ERG: variants seen among roughly 807,000 people sequenced by gnomAD.
ERG encodes the protein ETS transcription factor ERG.
In ERG, 9 loss-of-function variants were observed where a neutral mutation model predicts 55.3. That is an observed-to-expected ratio of 0.16 (90% CI 0.10 to 0.28). The LOEUF is 0.28. ERG is among the 10% of genes least tolerant of loss of function. ERG has a pLI of 1.00. For missense variants in ERG, 434 were observed against 631.6 expected (o/e 0.69, Z 3.35); for synonymous variants, 223 against 237.3 (o/e 0.94, Z 0.55).
Position 38,392,460 on chromosome 21 carries a change from A to G in ERG, c.746-16T>C, listed in dbSNP as rs932184453. On this transcript the variant is annotated splice_polypyrimidine_tract_variant and intron_variant, in intron 6 of 9. Transcript: ENST00000288319. ...TATGGTAAATCTGTAAAGACAAATAAATTGACTAAAAGATCAATCATGTAA... is the reference window on the plus strand; with the variant it reads ...TATGGTAAATCTGTAAAGACAAATAGATTGACTAAAAGATCAATCATGTAA... 6.9e-7 allele frequency: 1 copy of G among 1,457,644 alleles called. No homozygotes were observed. The highest frequency in any genetic ancestry group is 1.4e-5 in the African/African-American group (1 of 69,314). 90.3% of individuals were successfully genotyped at this position (1,457,644 alleles called of 1,614,324 possible).
chr21:38,373,240 A>G, the ERG span, among the ~76,000 whole-genome samples: 1 of 152,342 alleles, frequency 6.6e-6, no homozygotes, highest in East Asian at 1.9e-4. Context: ...ATAGACTCTA[A>G]TCTTTTCCCA....
intron 1 of ERG, among the ~76,000 whole-genome samples, chr21:38,599,167 T>TG (rs952100162): frequency 4.6e-5 from 7 of 151,772 alleles, no homozygotes; most frequent in African/African-American, 9.7e-5. Flanking sequence ...GGAGAGGCCA[T>TG]GGGGGGGCAC....
intron 2 of ERG, among the ~76,000 whole-genome samples, chr21:38,510,068 G>A (rs1020621313): frequency 3.3e-5 from 5 of 152,316 alleles, no homozygotes; most frequent in East Asian, 1.9e-4. Flanking sequence ...GTGTGTCTCC[G>A]TTTCTGGGAA....
chr21:38,600,167 C>A (rs1431642694), intron 1 of ERG, among the ~76,000 whole-genome samples: 1 of 152,188 alleles, frequency 6.6e-6, no homozygotes, highest in Non-Finnish European at 1.5e-5. Context: ...TCCAAACCTA[C>A]CCGCAATCCC....
intron 3 of ERG, among the ~76,000 whole-genome samples, chr21:38,414,376 T>G (rs990903026): frequency 6.6e-6 from 1 of 152,186 alleles, no homozygotes; most frequent in Non-Finnish European, 1.5e-5. Flanking sequence ...TCTAAGGAAC[T>G]GGGGGTTAGG....
rs56195027 is a variant in ERG at position 38,592,571 on chromosome 21, C to CTGTGTGTGTG, written c.-149-7636_-149-7627dup. ...GGCTGCTTATTGTCATCTCCCTTCA[C>CTGTGTGTGTG]TGTGTGTGTGTGTGTGTGTGTGTGT... On this transcript the variant is annotated intron_variant, in intron 1 of 10. Transcript: ENST00000398910. Among the ~76,000 whole-genome samples, 333 of 148,100 alleles carry CTGTGTGTGTG rather than the reference C, an allele frequency of 2.2e-3. 2 individuals are homozygous for CTGTGTGTGTG. The highest frequency in any genetic ancestry group is 6.3e-3 in the African/African-American group (255 of 40,162).
intron 1 of ERG, among the ~76,000 whole-genome samples, chr21:38,635,177 T>C (rs1180082523): frequency 6.6e-6 from 1 of 152,224 alleles, no homozygotes; most frequent in Non-Finnish European, 1.5e-5. Context: ...GGGGCATTTT[T>C]AGGGCAGTGA....
intron 2 of ERG, among the ~76,000 whole-genome samples, chr21:38,515,103 T>C (rs73906315): frequency 0.01 from 1,533 of 152,034 alleles, 22 homozygotes; most frequent in African/African-American, 0.035. Flanking sequence ...TGGATAGATA[T>C]ATTCATGGAT....
In ERG at chr21:38,380,554, G is replaced by A; in HGVS notation, c.*2849C>T. 9.4e-7 allele frequency: 1 copy of A among 1,065,924 alleles called. No individual in the cohort carries two copies. The allele number at this position is 1,065,924 out of a possible 1,614,324, so 66.0% of individuals were successfully genotyped here. A position where few individuals can be genotyped will look rare whatever the true frequency, so the allele number is the denominator to read the frequency against. ...GAGTATACATCAGGGCAAGCCAAGA[G>A]ACAGGGACAAACAGAGAGAAAAGGT... is the stretch of plus-strand genomic sequence containing the variant. On this transcript the variant is annotated 3_prime_UTR_variant, in exon 10 of 10. Transcript: ENST00000288319.
chr21:38,383,250 A>C lies in ERG; in HGVS notation c.*153T>G. ...AGTAAGACTTCAGTAACTCCCTCCCAAGAGTCTTTGGATCTCTTCCCCGGC... is the reference window on the plus strand; with the variant it reads ...AGTAAGACTTCAGTAACTCCCTCCCCAGAGTCTTTGGATCTCTTCCCCGGC... On this transcript the variant is annotated 3_prime_UTR_variant, in exon 10 of 10. Coordinates refer to ENST00000288319, the MANE Select transcript of ERG (RefSeq NM_182918.4). This position sits in a 1 kb window ranked among gnomAD's most constrained non-coding sequence, Gnocchi z 5.7. The C allele has an allele frequency of 7.6e-7, 1 of 1,324,194 alleles. No individual in the cohort carries two copies. The highest frequency in any genetic ancestry group is 9.6e-7 in the Non-Finnish European group (1 of 1,037,440). 82.0% of individuals were successfully genotyped at this position (1,324,194 alleles called of 1,614,324 possible).
chr21:38,428,218 T>C (rs556608547), intron 2 of ERG, among the ~76,000 whole-genome samples: 2 of 151,306 alleles, frequency 1.3e-5, no homozygotes, highest in African/African-American at 2.4e-5. Context: ...GAAAAGGAAA[T>C]TTTATCACAA....
intron 2 of ERG, among the ~76,000 whole-genome samples, chr21:38,561,020 G>A (rs2059889651): frequency 6.6e-6 from 1 of 151,838 alleles, no homozygotes; most frequent in South Asian, 2.1e-4. Flanking sequence ...TATAAAATGT[G>A]GGGTTTTTTT....
chr21:38,374,060 A>C, the ERG span, among the ~76,000 whole-genome samples: 2 of 152,204 alleles, frequency 1.3e-5, no homozygotes, highest in Non-Finnish European at 1.5e-5. Context: ...CAAGGAAGAG[A>C]TAGAAGCCAC....
intron 1 of ERG, among the ~76,000 whole-genome samples, chr21:38,628,590 C>A (rs1303350976): frequency 1.3e-5 from 2 of 152,214 alleles, no homozygotes; most frequent in Non-Finnish European, 2.9e-5. Flanking sequence ...CTGCAGTCCC[C>A]CTCCTGGGGG....
intron 1 of ERG, among the ~76,000 whole-genome samples, chr21:38,652,549 C>T (rs2060494344): frequency 6.6e-6 from 1 of 152,208 alleles, no homozygotes; most frequent in Admixed American, 6.5e-5. Flanking sequence ...AATGGCCCGC[C>T]AGGCAGGCCT....
intron 1 of ERG, among the ~76,000 whole-genome samples, chr21:38,497,411 C>T (rs2059388704): frequency 6.6e-6 from 1 of 152,226 alleles, no homozygotes; most frequent in South Asian, 2.1e-4. Flanking sequence ...TTTCCCTCCA[C>T]TCAGCATCTG....
chr21:38,651,764 G>A (rs1484923297), intron 1 of ERG, among the ~76,000 whole-genome samples: 5 of 152,126 alleles, frequency 3.3e-5, no homozygotes, highest in East Asian at 1.9e-4. Context: ...TAACAGGCCC[G>A]CCACTCTGAC....
At chr21:38,599,976 C>G (rs1272220850) in intron 1 of ERG, among the ~76,000 whole-genome samples, 6 of 152,212 alleles carry the variant, frequency 3.9e-5, no homozygotes, top group Admixed American at 3.9e-4. Context: ...AGTGTCAAAA[C>G]CAATCAGGCC....
At chr21:38,392,297 A>C in intron 7 of ERG, 79 bp downstream of exon 7, 1 of 1,234,584 alleles carries the variant, frequency 8.1e-7, no homozygotes, top group South Asian at 1.3e-5. Flanking sequence ...GATTAACCAC[A>C]GAAATTATTA....
Sources: allele counts gnomAD v4.1 joint callset (sites outside exome capture counted in the v4.1 genomes callset), GRCh38; gene constraint gnomAD v4.1.1; non-coding constraint Gnocchi (gnomAD v3.1); transcripts MANE v1.5; gene names NCBI Gene and HGNC (gene_info 2026-07-23, HGNC 2026-07-21).